DPYD: variants seen among roughly 807,000 people sequenced by gnomAD.
The protein encoded by DPYD is dihydropyrimidine dehydrogenase [NADP(+)].
In DPYD, 109 loss-of-function variants were observed where a neutral mutation model predicts 116.2. The ratio of observed to expected loss-of-function variants is 0.94; its 90% CI spans 0.80 to 1.10. DPYD has a LOEUF of 1.10. Among genes scored for constraint, DPYD ranks in the 50% least tolerant of loss-of-function variants. The probability of loss-of-function intolerance (pLI) is 0.00; values close to 1 mark genes in which losing one functional copy is unlikely to be tolerated. For synonymous variants in DPYD, 440 were observed against 432.0 expected (o/e 1.02, Z -0.23); for missense variants, 1,302 against 1,254.5 (o/e 1.04, Z -0.57).
At chr1:97,226,598 A>AAAAGAAAT (rs1661182864) in intron 19 of DPYD, among the ~76,000 whole-genome samples, 1 of 152,180 alleles carries the variant, frequency 6.6e-6, no homozygotes. Flanking sequence ...AATTATCCAA[A>AAAAGAAAT]AAAGAAATCA....
intron 18 of DPYD, among the ~76,000 whole-genome samples, chr1:97,236,530 TG>T (rs1358347010): frequency 2.0e-5 from 3 of 152,098 alleles, no homozygotes; most frequent in Non-Finnish European, 4.4e-5. Flanking sequence ...GTGGAGACAG[TG>T]AAAATATCAG....
At chr1:97,595,020 G>A (rs1222009506) in intron 9 of DPYD, 39 bp downstream of exon 9, 1 of 1,395,674 alleles carries the variant, frequency 7.2e-7, no homozygotes, top group East Asian at 2.4e-5. Context: ...AAATAAAATA[G>A]CATACTCACT....
chr1:97,220,565 C>T (rs1660709567), intron 19 of DPYD, among the ~76,000 whole-genome samples: 1 of 152,148 alleles, frequency 6.6e-6, no homozygotes, highest in Non-Finnish European at 1.5e-5. Context: ...TGCTTGAGCT[C>T]TGCCTGGGAT....
chr1:97,090,506 TTTA>T (rs1203662100), intron 21 of DPYD, among the ~76,000 whole-genome samples: 2 of 152,206 alleles, frequency 1.3e-5, no homozygotes, highest in African/African-American at 4.8e-5. Context: ...AATATTAGCT[TTTA>T]TTATTAATTC....
chr1:97,880,185 G>C (rs1381312441), intron 2 of DPYD, among the ~76,000 whole-genome samples: 1 of 151,794 alleles, frequency 6.6e-6, no homozygotes, highest in Non-Finnish European at 1.5e-5. Flanking sequence ...AAGAAAGAAA[G>C]AGAGTTTGAG....
intron 7 of DPYD, among the ~76,000 whole-genome samples, chr1:97,688,807 C>A (rs1304418273): frequency 1.3e-5 from 2 of 151,734 alleles, no homozygotes; most frequent in African/African-American, 2.4e-5. Flanking sequence ...TTTAAAAATA[C>A]TAACCAATTG....
intron 14 of DPYD, among the ~76,000 whole-genome samples, chr1:97,422,375 T>C (rs1323987680): frequency 6.6e-6 from 1 of 152,110 alleles, no homozygotes; most frequent in Non-Finnish European, 1.5e-5. Flanking sequence ...AGAGGACAAA[T>C]GACTTTGAAT....
intron 8 of DPYD, among the ~76,000 whole-genome samples, chr1:97,619,432 G>A (rs1365482005): frequency 6.6e-6 from 1 of 152,142 alleles, no homozygotes; most frequent in Non-Finnish European, 1.5e-5. Context: ...TAACAAGTTA[G>A]CAACTTTCCA....
intron 14 of DPYD, among the ~76,000 whole-genome samples, chr1:97,441,318 A>G (rs10875089): frequency 0.8 from 121,989 of 151,888 alleles, 49,266 homozygotes; most frequent in East Asian, 0.88. Flanking sequence ...AACTTCCTTC[A>G]GGGACTCTAA....
chr1:97,119,828 C>T (rs532654515), intron 20 of DPYD, among the ~76,000 whole-genome samples: 5 of 152,140 alleles, frequency 3.3e-5, no homozygotes, highest in Admixed American at 2.0e-4. Flanking sequence ...TCAATTTATT[C>T]GTGGTTAGAT....
chr1:97,662,851 T>C (rs1017118282), intron 8 of DPYD, among the ~76,000 whole-genome samples: 5 of 152,186 alleles, frequency 3.3e-5, no homozygotes, highest in African/African-American at 1.2e-4. Context: ...AGCCTATTCA[T>C]TTCAGTGTGT....
intron 2 of DPYD, among the ~76,000 whole-genome samples, chr1:97,874,334 G>A (rs2101623132): frequency 6.6e-6 from 1 of 151,996 alleles, no homozygotes; most frequent in East Asian, 1.9e-4. Flanking sequence ...AATGCTTTGT[G>A]TACATTAAAC....
chr1:97,493,499 A>G (rs1679081432), intron 13 of DPYD, among the ~76,000 whole-genome samples: 1 of 152,182 alleles, frequency 6.6e-6, no homozygotes. Flanking sequence ...CTGGCTTTGA[A>G]TTTGCTCTAC....
chr1:97,595,122 G>A lies in DPYD; in HGVS notation c.895C>T (p.Gln299Ter), dbSNP rs2102259303. ...NKDAIFQGLT[Q>*]DQGFYTSKDF... The stretch of plus-strand genomic sequence containing the variant: ...TTGGATGTATAAAACCCCTGGTCCT[G>A]CGTCAGGCCTTGGAAGATGGCATCT... Residue 299 changes from glutamine to a stop codon, truncating the protein, a stop_gained, in exon 9 of 23, where the codon CAG becomes TAG. Transcript: ENST00000370192. LOFTEE classifies it high-confidence loss of function. 12 of 1,613,724 alleles carry A rather than the reference G, an allele frequency of 7.4e-6. No homozygotes were observed. Among genetic ancestry groups the A allele is most frequent in the Non-Finnish European group, 9.3e-6 (11 of 1,179,708 alleles).
At chr1:97,163,426 C>T (rs1026230018) in intron 20 of DPYD, among the ~76,000 whole-genome samples, 1 of 152,152 alleles carries the variant, frequency 6.6e-6, no homozygotes, top group Non-Finnish European at 1.5e-5. Flanking sequence ...CACATAGTTT[C>T]CTGTGAACAA....
At chr1:97,531,905 AT>A (rs1649654783) in intron 12 of DPYD, among the ~76,000 whole-genome samples, 1 of 151,618 alleles carries the variant, frequency 6.6e-6, no homozygotes, top group Admixed American at 6.6e-5. Context: ...TTTTTTCTTA[AT>A]TTTTTGGATA....
At chr1:97,362,990 A>G (rs1483067095) in intron 16 of DPYD, among the ~76,000 whole-genome samples, 3 of 152,252 alleles carry the variant, frequency 2.0e-5, no homozygotes, top group South Asian at 2.1e-4. Context: ...GCACAGCAAA[A>G]TAAATTACCA....
At chr1:97,193,519 A>G (rs1658536797) in intron 19 of DPYD, among the ~76,000 whole-genome samples, 1 of 152,180 alleles carries the variant, frequency 6.6e-6, no homozygotes, top group Non-Finnish European at 1.5e-5. Context: ...ATTAAGTTGT[A>G]TAGTTTAAAT....
intron 20 of DPYD, among the ~76,000 whole-genome samples, chr1:97,109,985 G>GT (rs1651474327): frequency 6.6e-6 from 1 of 152,032 alleles, no homozygotes; most frequent in Admixed American, 6.6e-5. Flanking sequence ...ACAGAATACA[G>GT]TAACAAACAT....
Sources: gnomAD v4.1 joint callset for allele counts (sites outside exome capture counted in the v4.1 genomes callset) on GRCh38, gnomAD v4.1.1 for gene constraint, MANE v1.5 for transcripts, NCBI Gene and HGNC (gene_info 2026-07-23, HGNC 2026-07-21) for gene names.